The following CASD1 variants were observed in gnomAD, a reference collection of about 807,000 sequenced individuals.
The protein encoded by CASD1 is N-acetylneuraminate (7)9-O-acetyltransferase.
CASD1 carries 41 observed loss-of-function variants against 100.0 expected under a neutral mutation model. The ratio of observed to expected loss-of-function variants is 0.41; its 90% confidence interval spans 0.32 to 0.53. The LOEUF is 0.53. Among genes scored for constraint, CASD1 ranks in the 20% least tolerant of loss-of-function variants. The pLI is 0.25. For synonymous variants in CASD1, 321 were observed against 315.6 expected (o/e 1.02, Z -0.18); for missense variants, 774 against 948.7 (o/e 0.82, Z 2.42).
the CASD1 span, among the ~76,000 whole-genome samples, chr7:94,572,148 G>A: frequency 6.6e-6 from 1 of 152,082 alleles, no homozygotes; most frequent in African/African-American, 2.4e-5. Flanking sequence ...GTGTCTCAGG[G>A]TTGATCTTCT....
the CASD1 span, chr7:94,621,738 G>C: frequency 6.6e-6 from 1 of 152,150 alleles, no homozygotes; most frequent in Admixed American, 6.6e-5. Context: ...CAATTATTCT[G>C]CTCATTAAGT....
chr7:94,542,055 G>C (rs182853744), intron 10 of CASD1, among the ~76,000 whole-genome samples: 48 of 152,306 alleles, frequency 3.2e-4, no homozygotes, highest in Admixed American at 9.8e-4. Context: ...TGTTGTTACA[G>C]TATTTAATTT....
chr7:94,593,823 A>C, the CASD1 span, among the ~76,000 whole-genome samples: 2 of 152,100 alleles, frequency 1.3e-5, no homozygotes, highest in African/African-American at 4.8e-5. Context: ...CATGTAGAGG[A>C]ATGTGAATAA....
chr7:94,574,862 T>C, the CASD1 span, among the ~76,000 whole-genome samples: 8 of 151,916 alleles, frequency 5.3e-5, no homozygotes, highest in Admixed American at 3.9e-4. Context: ...CCCAGCTACT[T>C]GGGAGGCTGA....
At chr7:94,591,970 C>T in the CASD1 span, among the ~76,000 whole-genome samples, 69 of 152,234 alleles carry the variant, frequency 4.5e-4, no homozygotes, top group East Asian at 0.013. Flanking sequence ...TCAAAGGAAA[C>T]TTAGATGAGT....
intron 3 of CASD1, among the ~76,000 whole-genome samples, chr7:94,521,442 A>T (rs529665682): frequency 7.2e-5 from 11 of 152,330 alleles, no homozygotes; most frequent in Admixed American, 5.2e-4. Context: ...ATAATAGCAG[A>T]TATGTCAAGG....
At chr7:94,517,076 G>C (rs1268428881) in intron 1 of CASD1, among the ~76,000 whole-genome samples, 1 of 151,882 alleles carries the variant, frequency 6.6e-6, no homozygotes, top group Non-Finnish European at 1.5e-5. Flanking sequence ...GCCAATTTTT[G>C]TATTTTTAGT....
the CASD1 span, among the ~76,000 whole-genome samples, chr7:94,606,262 C>G: frequency 6.6e-6 from 1 of 152,096 alleles, no homozygotes; most frequent in East Asian, 1.9e-4. Context: ...GACACATATA[C>G]ATTAAAAGTA....
the CASD1 span, among the ~76,000 whole-genome samples, chr7:94,604,435 A>C: frequency 2.0e-5 from 3 of 146,422 alleles, no homozygotes; most frequent in South Asian, 6.4e-4. Flanking sequence ...CACACACACA[A>C]ATTTGGATAA....
At chr7:94,529,868 T>G (rs1375554053) in intron 5 of CASD1, among the ~76,000 whole-genome samples, 1 of 152,128 alleles carries the variant, frequency 6.6e-6, no homozygotes, top group Non-Finnish European at 1.5e-5. Flanking sequence ...AAATAATATT[T>G]GAGAACTGTG....
At chr7:94,523,453 G>A (rs1489113678) in intron 3 of CASD1, among the ~76,000 whole-genome samples, 1 of 152,166 alleles carries the variant, frequency 6.6e-6, no homozygotes, top group Non-Finnish European at 1.5e-5. Context: ...TATACCGTGT[G>A]CAATGGTAAC....
chr7:94,535,228 G>A, intron 7 of CASD1, 81 bp from the exon 8 acceptor site: 5 of 986,932 alleles, frequency 5.1e-6, no homozygotes, highest in African/African-American at 1.6e-5. Flanking sequence ...TATGAAATGT[G>A]GAACAGCTAA....
At chr7:94,558,608 ATTTG>A (rs2116453112), downstream of CASD1, among the ~76,000 whole-genome samples, 1 of 152,194 alleles carries the variant, frequency 6.6e-6, no homozygotes, top group South Asian at 2.1e-4. Flanking sequence ...TTATGACTTA[ATTTG>A]TTCATTCTTG....
At chr7:94,534,781 G>A (rs1795038680) in intron 7 of CASD1, among the ~76,000 whole-genome samples, 1 of 152,124 alleles carries the variant, frequency 6.6e-6, no homozygotes, top group Non-Finnish European at 1.5e-5. Flanking sequence ...CAGACTCATT[G>A]TTAACCTTTC....
At position 94,544,261 on chromosome 7, in the gene CASD1, A is replaced by G. The variant is rs1361685016; in HGVS notation, c.1357-150A>G. The G allele has an allele frequency of 4.3e-6, 4 of 936,416 alleles. No homozygotes were observed. In the African/African-American group the frequency reaches 5.1e-5, roughly 12 times the overall value. 58.0% of individuals were successfully genotyped at this position (936,416 alleles called of 1,614,324 possible). A position where few individuals can be genotyped will look rare whatever the true frequency, so the allele number is the denominator to read the frequency against. ...GTTCTACATTTTTGTAATCCTTGCT[A>G]TAATGACTAACTTTTGAGAATCAAC... On this transcript the variant is annotated intron_variant, in intron 10 of 17. Coordinates refer to ENST00000297273, the MANE Select transcript of CASD1 (RefSeq NM_022900.5).
chr7:94,587,076 G>T, the CASD1 span: 3 of 984,862 alleles, frequency 3.0e-6, no homozygotes, highest in South Asian at 1.4e-4. Context: ...CAAAATACCT[G>T]CTCCCTAAAA....
chr7:94,548,536 A>G (rs1795790759), intron 13 of CASD1, among the ~76,000 whole-genome samples: 1 of 151,772 alleles, frequency 6.6e-6, no homozygotes, highest in Admixed American at 6.6e-5. Flanking sequence ...TCTGACACAT[A>G]GATTTTGATA....
chr7:94,517,508 T>C (rs1230969316), intron 1 of CASD1, 52 bp from the exon 2 acceptor site: 21 of 1,104,824 alleles, frequency 1.9e-5, no homozygotes, highest in Non-Finnish European at 2.5e-5. Context: ...AGATAGCCGA[T>C]GTGTAAAATT....
At chr7:94,631,970 G>C in the CASD1 span, among the ~76,000 whole-genome samples, 4 of 151,994 alleles carry the variant, frequency 2.6e-5, no homozygotes, top group African/African-American at 9.7e-5. Context: ...GCAGCTAGAA[G>C]AGAGTCTGGT....
Sources: allele counts gnomAD v4.1 joint callset (sites outside exome capture counted in the v4.1 genomes callset), GRCh38; gene constraint gnomAD v4.1.1; transcripts MANE v1.5; gene names NCBI Gene and HGNC (gene_info 2026-07-23, HGNC 2026-07-21).